The following ANK2 variants were observed in gnomAD, a reference collection of about 807,000 sequenced individuals.
The protein encoded by ANK2 is ankyrin 2, also known as ankyrin-2.
ANK2 carries 83 observed loss-of-function variants against 360.5 expected under a neutral mutation model. The ratio of observed to expected loss-of-function variants is 0.23; its 90% CI spans 0.19 to 0.28. The LOEUF is 0.28. Among genes scored for constraint, ANK2 ranks in the 10% least tolerant of loss-of-function variants. The probability of loss-of-function intolerance (pLI) is 1.00; values close to 1 mark genes in which losing one functional copy is unlikely to be tolerated. For missense variants in ANK2, 4,201 were observed against 4,795.7 expected (o/e 0.88, Z 3.66); for synonymous variants, 1,740 against 1,759.5 (o/e 0.99, Z 0.28).
Position 113,346,122 on chromosome 4 carries a change from G to T in ANK2, c.4371+100G>T. 7 of 1,372,636 alleles carry T rather than the reference G, an allele frequency of 5.1e-6. No homozygotes were observed. The South Asian group carries it at 8.2e-5, about 16-fold the overall frequency. 85.0% of individuals were successfully genotyped at this position (1,372,636 alleles called of 1,614,324 possible). ...AAAAGTAATGGCAAAAACAGCAATTGCTTTTGCACTGACCTAATAAAATGA... is the reference window on the plus strand; with the variant it reads ...AAAAGTAATGGCAAAAACAGCAATTTCTTTTGCACTGACCTAATAAAATGA... On this transcript the variant is annotated intron_variant, in intron 35 of 45. Transcript: ENST00000357077.
the ANK2 span, among the ~76,000 whole-genome samples, chr4:112,795,721 C>A: frequency 6.6e-6 from 1 of 151,886 alleles, no homozygotes; most frequent in South Asian, 2.1e-4. Context: ...CCAGGCTGGT[C>A]TCAAGCTCCT....
chr4:113,106,901 A>G (rs755040481), intron 1 of ANK2: 1 of 533,586 alleles, frequency 1.9e-6, no homozygotes, highest in African/African-American at 1.9e-5. Context: ...ATAAAGGTCC[A>G]TCTCCTGCCT....
At chr4:112,947,803 C>T (rs1344769078) in intron 2 of ANK2, among the ~76,000 whole-genome samples, 2 of 152,204 alleles carry the variant, frequency 1.3e-5, no homozygotes, top group Non-Finnish European at 2.9e-5. Flanking sequence ...TAGACCTAAG[C>T]ATGCATGCAG....
intron 7 of ANK2, among the ~76,000 whole-genome samples, chr4:113,239,957 G>T (rs1482765491): frequency 6.6e-6 from 1 of 152,158 alleles, no homozygotes; most frequent in African/African-American, 2.4e-5. Flanking sequence ...TATCATGACA[G>T]TGTAAATGAT....
chr4:112,721,146 G>C, the ANK2 span, among the ~76,000 whole-genome samples: 1 of 152,170 alleles, frequency 6.6e-6, no homozygotes, highest in Non-Finnish European at 1.5e-5. Context: ...AAGAAGGGGA[G>C]GGACAGAGAT....
At position 113,250,049 on chromosome 4, in the gene ANK2, T is replaced by C. The variant is rs138735953; in HGVS notation, c.990+187T>C. 2.6e-4 allele frequency among the ~76,000 whole-genome samples: 39 copies of C among 152,386 alleles called. 1 individual carries two copies. In the East Asian group the frequency reaches 6.7e-3, roughly 26 times the overall value. On this transcript the variant is annotated intron_variant, in intron 10 of 45. Coordinates refer to ENST00000357077, the MANE Select transcript of ANK2 (RefSeq NM_001148.6). ...AAATAAACAGATATATGAATTAAGATGTATTAAATGTGTGCCTTCAAGTTT... is the reference window on the plus strand; with the variant it reads ...AAATAAACAGATATATGAATTAAGACGTATTAAATGTGTGCCTTCAAGTTT...
chr4:113,040,714 C>T (rs2062743052), intron 2 of ANK2, among the ~76,000 whole-genome samples: 2 of 151,972 alleles, frequency 1.3e-5, no homozygotes, highest in African/African-American at 2.4e-5. Context: ...AGATATAATG[C>T]CACCTTTTAA....
intron 26 of ANK2, 141 bp from the exon 27 acceptor site, chr4:113,330,105 A>T: frequency 2.5e-6 from 2 of 788,344 alleles, no homozygotes; most frequent in East Asian, 2.7e-5. Context: ...AATAACTTTT[A>T]AAAACAAGCA....
At chr4:113,324,482 A>G (rs2088546582) in intron 26 of ANK2, among the ~76,000 whole-genome samples, 1 of 152,190 alleles carries the variant, frequency 6.6e-6, no homozygotes, top group Non-Finnish European at 1.5e-5. Context: ...CAAAAAAGAC[A>G]GTTTTGTGTT....
chr4:112,812,195 T>C, the ANK2 span, among the ~76,000 whole-genome samples: 1 of 120,946 alleles, frequency 8.3e-6, no homozygotes, highest in Admixed American at 8.0e-5. Flanking sequence ...GTATAATAGT[T>C]ACCTCAATGA....
At chr4:113,106,824 T>C (rs746650163) in intron 1 of ANK2, 2 of 512,230 alleles carry the variant, frequency 3.9e-6, no homozygotes, top group South Asian at 1.5e-5. Flanking sequence ...CTGTACTCTT[T>C]TATTTTATTC....
intron 1 of ANK2, among the ~76,000 whole-genome samples, chr4:113,161,664 A>G (rs2097538412): frequency 6.8e-6 from 1 of 147,936 alleles, no homozygotes; most frequent in South Asian, 2.1e-4. Context: ...AGCTCATGAG[A>G]AAACTCCTGT....
Position 112,883,018 on chromosome 4 carries a change from CTTTTTTTTTTTTTTTTTTTTT to C in ANK2, c.-39-21419_-39-21399del, listed in dbSNP as rs536262490. 1.4e-3 allele frequency among the ~76,000 whole-genome samples: 42 copies of C among 30,526 alleles called. No homozygotes were observed. In the South Asian group the frequency reaches 0.028, roughly 20 times the overall value. 20.0% of individuals were successfully genotyped at this position (30,526 alleles called of 152,430 possible). On this transcript the variant is annotated intron_variant, in intron 1 of 30. Transcript: ENST00000503271. ...ACACTTTCTGGTTTACTTGGTTAGTCTTTTTTTTTTTTTTTTTTTTTTTTTTTTTTTTTTTTTTGAGATGGA... is the reference window on the plus strand; with the variant it reads ...ACACTTTCTGGTTTACTTGGTTAGTCTTTTTTTTTTTTTTTTTGAGATGGA...
chr4:113,253,339 G>A (rs1010283253), intron 10 of ANK2, among the ~76,000 whole-genome samples: 1 of 151,788 alleles, frequency 6.6e-6, no homozygotes, highest in South Asian at 2.1e-4. Context: ...TTTCTCTATC[G>A]GCACTCACTT....
Position 113,102,759 on chromosome 4 carries a change from G to C in ANK2, c.84+52947G>C, listed in dbSNP as rs202155998. Among the ~76,000 whole-genome samples, 64 of 152,254 alleles carry C rather than the reference G, an allele frequency of 4.2e-4. 1 individual carries two copies. The East Asian group carries it at 8.1e-3, about 19-fold the overall frequency. ...CAACGTGGAGGTCACTAGTAATTTAGTAAGATATTTCCTAGTATCTTAATC... is the reference window on the plus strand; with the variant it reads ...CAACGTGGAGGTCACTAGTAATTTACTAAGATATTTCCTAGTATCTTAATC... On this transcript the variant is annotated intron_variant, in intron 1 of 45. Coordinates refer to ENST00000357077, the MANE Select transcript of ANK2 (RefSeq NM_001148.6).
chr4:113,001,559 T>C, intron 2 of ANK2, among the ~76,000 whole-genome samples: 1 of 151,946 alleles, frequency 6.6e-6, no homozygotes, highest in Middle Eastern at 3.4e-3. Context: ...CATATTTTAA[T>C]TAAGTGAAAA....
In ANK2 at chr4:113,009,925, T is replaced by TACACACACACACACACAC. The variant is rs3028929; in HGVS notation, c.21+105416_21+105433dup. ...TTTCCTAAGGCCCCATTGTTGAGAG[T>TACACACACACACACACAC]ACACACACACACACACACACACTCA... On this transcript the variant is annotated intron_variant, in intron 2 of 30. Coordinates refer to the ANK2 transcript ENST00000503271. Among the ~76,000 whole-genome samples, 379 of 149,644 alleles carry TACACACACACACACACAC rather than the reference T, an allele frequency of 2.5e-3. 3 individuals carry two copies. The highest frequency in any genetic ancestry group is 8.2e-3 in the African/African-American group (332 of 40,722).
chr4:113,126,705 T>C (rs573321382), intron 1 of ANK2, among the ~76,000 whole-genome samples: 20 of 152,138 alleles, frequency 1.3e-4, no homozygotes, highest in Non-Finnish European at 2.5e-4. Flanking sequence ...CAGTAGCAGA[T>C]GCCAATTCTC....
At position 113,039,777 on chromosome 4, in the gene ANK2, A is replaced by G. The variant is rs925471552; in HGVS notation, c.22-134639A>G. Among the ~76,000 whole-genome samples the G allele has an allele frequency of 5.3e-5, 8 of 151,966 alleles. No individual in the cohort carries two copies. In the East Asian group the frequency reaches 1.5e-3, roughly 29 times the overall value. The stretch of plus-strand genomic sequence containing the variant: ...TACTGAGAGGTAGGAGCTGGATACA[A>G]TGGTTTCTAAGTTACCTTCTAACAT... On this transcript the variant is annotated intron_variant, in intron 2 of 30. Coordinates refer to the ANK2 transcript ENST00000503271.
Sources: allele counts gnomAD v4.1 joint callset (sites outside exome capture counted in the v4.1 genomes callset), GRCh38; gene constraint gnomAD v4.1.1; transcripts MANE v1.5; gene names NCBI Gene and HGNC (gene_info 2026-07-23, HGNC 2026-07-21).